PRR14L: variants seen among roughly 807,000 people sequenced by gnomAD.
PRR14L encodes the protein protein PRR14L.
In PRR14L, 80 loss-of-function variants were observed where a neutral mutation model predicts 155.0. The observed-to-expected ratio is 0.52, with a 90% CI of 0.43 to 0.62. PRR14L has a LOEUF of 0.62. Ranked by LOEUF, PRR14L falls within the 20% of genes least tolerant of loss-of-function variation. PRR14L has a pLI of 0.00. For missense variants in PRR14L, 2,469 were observed against 2,548.0 expected (o/e 0.97, Z 0.67); for synonymous variants, 883 against 916.0 (o/e 0.96, Z 0.65).
intron 6 of PRR14L, among the ~76,000 whole-genome samples, chr22:31,703,220 G>A (rs1010489050): frequency 4.6e-5 from 7 of 152,216 alleles, no homozygotes; most frequent in African/African-American, 1.7e-4. Flanking sequence ...AACTGTTGAA[G>A]ACAACAGACG....
intron 3 of PRR14L, among the ~76,000 whole-genome samples, chr22:31,719,741 T>C (rs2074680230): frequency 8.4e-6 from 1 of 118,456 alleles, no homozygotes; most frequent in Non-Finnish European, 1.7e-5. Context: ...CTGTGACACT[T>C]TTTTTTTTTT....
At chr22:31,736,777 G>T (rs913008785) in intron 2 of PRR14L, among the ~76,000 whole-genome samples, 14 of 152,244 alleles carry the variant, frequency 9.2e-5, no homozygotes, top group Admixed American at 2.0e-4. Flanking sequence ...GGTGGCTCCT[G>T]CCTGTAATCC....
chr22:31,685,419 G>T lies in PRR14L; in HGVS notation c.*108C>A. 1 of 974,536 alleles carries T rather than the reference G, an allele frequency of 1.0e-6. No individual in the cohort carries two copies. The highest frequency in any genetic ancestry group is 1.5e-6 in the Non-Finnish European group (1 of 678,808). 60.4% of individuals were successfully genotyped at this position (974,536 alleles called of 1,614,324 possible). On this transcript the variant is annotated 3_prime_UTR_variant, in exon 9 of 9. Coordinates refer to ENST00000327423, the MANE Select transcript of PRR14L (RefSeq NM_173566.3). ...CATTTTTGAGTGGTTTGGCGGTAGG[G>T]CAAAATTAGGCAACCTTTTCCAAGG...
chr22:31,745,165 C>T (rs1053766731), intron 1 of PRR14L, among the ~76,000 whole-genome samples: 1 of 152,110 alleles, frequency 6.6e-6, no homozygotes, highest in African/African-American at 2.4e-5. Flanking sequence ...ATCACGAGGT[C>T]AGGAGATCGA....
At chr22:31,740,037 T>C (rs2074804057) in intron 1 of PRR14L, among the ~76,000 whole-genome samples, 2 of 152,082 alleles carry the variant, frequency 1.3e-5, no homozygotes, top group South Asian at 2.1e-4. Context: ...AAAGCAGAAA[T>C]GGGTCAGCCA....
At chr22:31,685,988 G>A (rs1239006582) in intron 8 of PRR14L, among the ~76,000 whole-genome samples, 185 bp from the exon 9 acceptor site, 3 of 152,038 alleles carry the variant, frequency 2.0e-5, no homozygotes, top group Admixed American at 6.6e-5. Context: ...AGGCTGGAGC[G>A]CAATGGCATG....
At chr22:31,704,260 GAAAAATGTAAAAAGGAACA>G (rs2074578146) in intron 5 of PRR14L, among the ~76,000 whole-genome samples, 1 of 152,068 alleles carries the variant, frequency 6.6e-6, no homozygotes, top group African/African-American at 2.4e-5. Flanking sequence ...ATTTTATAAG[GAAAAATGTAAAAAGGAACA>G]GACTTTTTGG....
intron 4 of PRR14L, among the ~76,000 whole-genome samples, chr22:31,707,083 A>G (rs918462085): frequency 6.6e-6 from 1 of 152,036 alleles, no homozygotes; most frequent in Non-Finnish European, 1.5e-5. Flanking sequence ...AAAAACAGCA[A>G]ACTTCTAAAC....
intron 2 of PRR14L, among the ~76,000 whole-genome samples, chr22:31,733,569 C>A (rs921736467): frequency 4.6e-5 from 7 of 152,028 alleles, no homozygotes; most frequent in Admixed American, 1.3e-4. Context: ...CCCCCCGAAG[C>A]GCTAGGATTA....
intron 1 of PRR14L, among the ~76,000 whole-genome samples, chr22:31,746,201 C>T (rs573609443): frequency 6.6e-6 from 1 of 152,298 alleles, no homozygotes; most frequent in South Asian, 2.1e-4. Context: ...GAGTGAGCTG[C>T]TGCACCCAGC....
In PRR14L at chr22:31,716,347, T is replaced by C. The variant is rs775489766; in HGVS notation, c.1492A>G (p.Thr498Ala). Residue 498 changes from threonine to alanine, a missense_variant, in exon 4 of 9, where the codon ACT (threonine) becomes GCT (alanine). Around this residue, in one of 2 missense-constraint regions of PRR14L, gnomAD observed 2,363 missense variants for 2,371.6 expected, o/e 1.00. Transcript: ENST00000327423. ...TGTCCACCAGGATGGCTCATATTAG[T>C]AAAAGTTTCTTTATGGTCCTCAGGG... ...TNPEDHKETF[T>A]NMSHPGGHSE... The C allele has an allele frequency of 1.9e-6, 3 of 1,551,174 alleles. No individual in the cohort carries two copies.
rs2074648283 is a variant in PRR14L at position 31,715,061 on chromosome 22, T to C, written c.2778A>G (p.Ile926Met). The change falls in exon 4 of 9, where the codon ATA (isoleucine) becomes ATG (methionine). Residue 926 changes from isoleucine to methionine, a missense_variant. Physicochemically the swap from Ile to Met is conservative, Grantham distance 10 (BLOSUM62 1). This residue lies in a region of PRR14L where 2,363 missense variants were observed against 2,371.6 expected (regional missense o/e 1.00). Coordinates refer to ENST00000327423, the MANE Select transcript of PRR14L (RefSeq NM_173566.3). ...FCKYNISDHA[I>M]QELNQTVNIP... ...TGTTTACAGTCTGGTTTAGTTCTTG[T>C]ATAGCATGATCAGAGATGTTATACT... The C allele has an allele frequency of 6.4e-7, 1 of 1,551,764 alleles. No individual in the cohort carries two copies.
At chr22:31,735,440 CAA>C (rs11443258) in intron 2 of PRR14L, among the ~76,000 whole-genome samples, 18 of 105,154 alleles carry the variant, frequency 1.7e-4, no homozygotes, top group African/African-American at 1.4e-4. Flanking sequence ...GAATCTGTCT[CAA>C]AAAAAAAAAA....
At chr22:31,688,717 A>G (rs1357981950) in intron 7 of PRR14L, among the ~76,000 whole-genome samples, 11 of 152,004 alleles carry the variant, frequency 7.2e-5, no homozygotes, top group Non-Finnish European at 1.0e-4. Context: ...CTGCTTTGCA[A>G]TGTTTCTTTT....
At chr22:31,698,578 T>G (rs921152968) in intron 7 of PRR14L, among the ~76,000 whole-genome samples, 22 of 151,074 alleles carry the variant, frequency 1.5e-4, no homozygotes, top group African/African-American at 5.3e-4. Context: ...TATAAATCAA[T>G]AGATTTAGTT....
chr22:31,715,643 G>T lies in PRR14L; in HGVS notation c.2196C>A (p.Thr732=). The T allele has an allele frequency of 6.4e-7, 1 of 1,552,154 alleles. No individual in the cohort carries two copies. The highest frequency in any genetic ancestry group is 8.7e-7 in the Non-Finnish European group (1 of 1,147,048). The change falls in exon 4 of 9, where the codon ACC becomes ACA. Residue 732 remains threonine (T), a synonymous_variant. Coordinates refer to ENST00000327423, the MANE Select transcript of PRR14L (RefSeq NM_173566.3). ...QTCGASSNCP[T]LNIKPVSLER... ...CTAGGCTTACTGGTTTGATGTTTAAGGTGGGACAGTTTGAAGAGGCACCAC... is the reference window on the plus strand; with the variant it reads ...CTAGGCTTACTGGTTTGATGTTTAATGTGGGACAGTTTGAAGAGGCACCAC...
rs978294052 is a variant in PRR14L, at chr22:31,738,902, A to G, written c.-42T>C. On this transcript the variant is annotated 5_prime_UTR_variant, in exon 2 of 9. Transcript: ENST00000327423. The stretch of plus-strand genomic sequence containing the variant: ...TATGGAGTCAAGTCTTTTACATCAA[A>G]TGATTCACCCTGACACAAATCACAG... 6.1e-6 allele frequency: 8 copies of G among 1,310,372 alleles called. No individual in the cohort carries two copies. The highest frequency in any genetic ancestry group is 4.4e-5 in the African/African-American group (3 of 68,004). The allele number at this position is 1,310,372 out of a possible 1,614,324, so 81.2% of individuals were successfully genotyped here.
At chr22:31,718,966 G>A (rs1052879708) in intron 3 of PRR14L, among the ~76,000 whole-genome samples, 1 of 151,856 alleles carries the variant, frequency 6.6e-6, no homozygotes, top group African/African-American at 2.4e-5. Flanking sequence ...CCCAGCTACT[G>A]GGGAGGCTGA....
At chr22:31,703,425 G>A (rs1420047313) in intron 6 of PRR14L, 125 bp downstream of exon 6, 7 of 881,422 alleles carry the variant, frequency 7.9e-6, no homozygotes, top group South Asian at 3.6e-5. Flanking sequence ...TCCAGAACTC[G>A]GCTGACACTG....
Sources: allele counts gnomAD v4.1 joint callset (sites outside exome capture counted in the v4.1 genomes callset), GRCh38; gene constraint gnomAD v4.1.1; regional missense constraint gnomAD v4.1.1; transcripts MANE v1.5; gene names NCBI Gene and HGNC (gene_info 2026-07-23, HGNC 2026-07-21).